Variants in CHST9 observed in about 807,000 individuals in gnomAD.
CHST9 encodes the protein carbohydrate sulfotransferase 9, also known as GalNAc-4-sulfotransferase 2.
CHST9 carries 41 observed loss-of-function variants against 44.4 expected under a neutral mutation model. The ratio of observed to expected loss-of-function variants is 0.92; its 90% CI spans 0.72 to 1.20. The LOEUF (loss-of-function observed/expected upper bound fraction) is 1.20. Among genes scored for constraint, CHST9 ranks in the 50% most tolerant of loss-of-function variants. The pLI is 0.00. For synonymous variants in CHST9, 171 were observed against 178.4 expected, an observed-to-expected ratio of 0.96 and a Z score of 0.33; for missense variants, 504 against 516.5, an observed-to-expected ratio of 0.98 and a Z score of 0.23.
chr18:27,103,030 A>T (rs1365490930), intron 2 of CHST9, among the ~76,000 whole-genome samples: 1 of 152,194 alleles, frequency 6.6e-6, no homozygotes, highest in Non-Finnish European at 1.5e-5. Flanking sequence ...GTTGTTGCCC[A>T]AGTCTTCAAC....
At chr18:27,120,405 C>T (rs2058364825) in intron 2 of CHST9, among the ~76,000 whole-genome samples, 1 of 152,114 alleles carries the variant, frequency 6.6e-6, no homozygotes, top group Admixed American at 6.5e-5. Context: ...TATTTTATGA[C>T]TAAAACCCTT....
Position 26,945,538 on chromosome 18 carries a change from C to T in CHST9, c.203-1172G>A, listed in dbSNP as rs574485305. Among the ~76,000 whole-genome samples, 4 of 152,252 alleles carry T rather than the reference C, an allele frequency of 2.6e-5. No homozygotes were observed. The East Asian group carries it at 7.7e-4, about 29-fold the overall frequency. ...AAAGCATAGAGCCTTTAAGGATTGG[C>T]TTTTTTCCTCGGCATACTTCTCTGG... On this transcript the variant is annotated intron_variant, in intron 4 of 5. Transcript: ENST00000618847.
chr18:26,938,784 G>C (rs930100093), intron 5 of CHST9, among the ~76,000 whole-genome samples: 1 of 152,172 alleles, frequency 6.6e-6, no homozygotes, highest in African/African-American at 2.4e-5. Flanking sequence ...TCCTGACTGT[G>C]TGACCATTAT....
intron 4 of CHST9, among the ~76,000 whole-genome samples, chr18:26,993,416 T>C (rs1568124559): frequency 6.6e-6 from 1 of 152,210 alleles, no homozygotes; most frequent in Non-Finnish European, 1.5e-5. Context: ...AGTAAACTAA[T>C]GTTGATGACT....
chr18:26,913,732 A>G lies in CHST9; in HGVS notation c.*2527T>C, dbSNP rs2145037569. On this transcript the variant is annotated 3_prime_UTR_variant, in exon 6 of 6. Transcript: ENST00000618847. Reference sequence around the variant, plus strand: ...AAATTCATGAAATTGTGATGGTCCTAAAGAACAGTGGTGTTCCCACCTGGA... The same window carrying G: ...AAATTCATGAAATTGTGATGGTCCTGAAGAACAGTGGTGTTCCCACCTGGA... 6.6e-6 allele frequency: 1 copy of G among 152,360 alleles called. No homozygotes were observed. Among genetic ancestry groups the G allele is most frequent in the African/African-American group, 2.4e-5 (1 of 41,584 alleles). The allele number at this position is 152,360 out of a possible 1,614,324, so 9.4% of individuals were successfully genotyped here.
chr18:27,148,588 C>T (rs1235299017), intron 1 of CHST9, among the ~76,000 whole-genome samples: 1 of 150,730 alleles, frequency 6.6e-6, no homozygotes, highest in Non-Finnish European at 1.5e-5. Context: ...GACATGAACT[C>T]ATCCTTTTTT....
intron 1 of CHST9, among the ~76,000 whole-genome samples, chr18:27,151,151 T>C (rs1567939638): frequency 6.6e-6 from 1 of 152,186 alleles, no homozygotes; most frequent in African/African-American, 2.4e-5. Context: ...CCTTTATCAT[T>C]TATTATTTCA....
chr18:27,134,900 C>A (rs34481937), intron 2 of CHST9, among the ~76,000 whole-genome samples: 47,960 of 151,956 alleles, frequency 0.32, 8,203 homozygotes, highest in Non-Finnish European at 0.39. Context: ...TTTCTGAGTT[C>A]TGGGGAGATA....
chr18:26,938,973 A>C (rs2056041827), intron 5 of CHST9, among the ~76,000 whole-genome samples: 3 of 152,214 alleles, frequency 2.0e-5, no homozygotes, highest in African/African-American at 7.2e-5. Flanking sequence ...TAGCTACTAG[A>C]ATAAGAATTT....
chr18:26,956,686 C>T (rs1408295028), intron 4 of CHST9, among the ~76,000 whole-genome samples: 1 of 152,082 alleles, frequency 6.6e-6, no homozygotes, highest in East Asian at 1.9e-4. Flanking sequence ...TTATTCAAAT[C>T]ATACTTGAAA....
intron 3 of CHST9, among the ~76,000 whole-genome samples, chr18:27,046,083 G>A (rs920796466): frequency 3.9e-5 from 6 of 152,032 alleles, no homozygotes; most frequent in African/African-American, 1.4e-4. Flanking sequence ...TAGAAAAAAC[G>A]TTGGCAATGA....
Position 26,911,053 on chromosome 18 carries a change from A to G in CHST9, c.*5206T>C, listed in dbSNP as rs2055433554. ...GGTCAAGGGATGACTATTAGTGTAG[A>G]AAAGGTGTGTGGCTCAGCTCCCTTC... On this transcript the variant is annotated 3_prime_UTR_variant, in exon 6 of 6. Coordinates refer to ENST00000618847, the MANE Select transcript of CHST9 (RefSeq NM_031422.6). 6.6e-6 allele frequency: 1 copy of G among 152,188 alleles called. No homozygotes were observed. Among genetic ancestry groups the G allele is most frequent in the South Asian group, 2.1e-4 (1 of 4,828 alleles). 9.4% of individuals were successfully genotyped at this position (152,188 alleles called of 1,614,324 possible). A position where few individuals can be genotyped will look rare whatever the true frequency, so the allele number is the denominator to read the frequency against.
At chr18:27,057,120 C>A (rs2143598133) in intron 2 of CHST9, among the ~76,000 whole-genome samples, 1 of 152,324 alleles carries the variant, frequency 6.6e-6, no homozygotes, top group South Asian at 2.1e-4. Context: ...ACCTCCCTGC[C>A]AGAACTTGTT....
intron 4 of CHST9, among the ~76,000 whole-genome samples, chr18:26,971,999 T>C (rs775923477): frequency 9.3e-5 from 14 of 149,866 alleles, no homozygotes; most frequent in Non-Finnish European, 1.8e-4. Context: ...AAAAGCAGAG[T>C]TTGGTGAGGA....
intron 2 of CHST9, among the ~76,000 whole-genome samples, chr18:27,125,133 G>A (rs1319925591): frequency 6.6e-6 from 1 of 151,986 alleles, no homozygotes; most frequent in Non-Finnish European, 1.5e-5. Context: ...TATGTGATGG[G>A]TCATATAGAA....
rs1477588508 is a variant in CHST9, at chr18:26,916,684, G to T, written c.907C>A (p.Pro303Thr). ...KFEHPNSYYH[P>T]VFGKAIIKKY... Reference sequence around the variant, plus strand: ...TTGATAATTGCCTTTCCGAATACTGGATGGTAATAACTATTGGGGTGTTCA... The same window carrying T: ...TTGATAATTGCCTTTCCGAATACTGTATGGTAATAACTATTGGGGTGTTCA... The change falls in exon 6 of 6, where the codon CCA (proline) becomes ACA (threonine). Residue 303 changes from proline (P) to threonine (T), a missense_variant. Pro to Thr is a conservative substitution (Grantham distance 38). Coordinates refer to ENST00000618847, the MANE Select transcript of CHST9 (RefSeq NM_031422.6). 9 of 1,613,758 alleles carry T rather than the reference G, an allele frequency of 5.6e-6. No homozygotes were observed. The highest frequency in any genetic ancestry group is 7.6e-6 in the Non-Finnish European group (9 of 1,179,818).
At chr18:27,160,171 C>T (rs556532303) in intron 1 of CHST9, among the ~76,000 whole-genome samples, 1 of 152,186 alleles carries the variant, frequency 6.6e-6, no homozygotes, top group East Asian at 1.9e-4. Flanking sequence ...TGAGAGAGGG[C>T]ATCCCTGTCT....
chr18:27,101,373 C>T (rs1034014905), intron 2 of CHST9, among the ~76,000 whole-genome samples: 7 of 151,858 alleles, frequency 4.6e-5, no homozygotes, highest in Non-Finnish European at 7.4e-5. Context: ...GGGTGGATCA[C>T]GAGGTCAGGA....
chr18:27,086,098 T>C (rs2058009683), intron 2 of CHST9, among the ~76,000 whole-genome samples: 1 of 152,088 alleles, frequency 6.6e-6, no homozygotes, highest in Non-Finnish European at 1.5e-5. Context: ...TTGGGAACCA[T>C]AGACACAGGC....
Sources: gnomAD v4.1 joint callset for allele counts (sites outside exome capture counted in the v4.1 genomes callset) on GRCh38, gnomAD v4.1.1 for gene constraint, MANE v1.5 for transcripts, NCBI Gene and HGNC (gene_info 2026-07-23, HGNC 2026-07-21) for gene names.